Variants in DPP8 observed in about 807,000 individuals in gnomAD.
DPP8 encodes DPP VIII.
A neutral mutation model predicts 107.5 loss-of-function variants in DPP8; 31 were observed. The observed-to-expected ratio is 0.29, with a 90% confidence interval of 0.22 to 0.39. DPP8 has a LOEUF of 0.39. DPP8 is among the 10% of genes least tolerant of loss of function. The probability of loss-of-function intolerance (pLI) is 1.00; values close to 1 mark genes in which losing one functional copy is unlikely to be tolerated. For synonymous variants in DPP8, 381 were observed against 356.6 expected, an observed-to-expected ratio of 1.07 and a Z score of -0.77; for missense variants, 842 against 1,076.1, an observed-to-expected ratio of 0.78 and a Z score of 3.04.
intron 11 of DPP8, among the ~76,000 whole-genome samples, 181 bp from the exon 12 acceptor site, chr15:65,474,469 T>C (rs911571316): frequency 6.6e-6 from 1 of 152,116 alleles, no homozygotes; most frequent in Non-Finnish European, 1.5e-5. Flanking sequence ...TGCCACTGCA[T>C]TGTTTGTTTA....
At chr15:65,476,619 G>A (rs2066412651) in intron 11 of DPP8, among the ~76,000 whole-genome samples, 2 of 152,146 alleles carry the variant, frequency 1.3e-5, no homozygotes, top group African/African-American at 4.8e-5. Context: ...TAGCTCCTAT[G>A]GAAAACAGTA....
In DPP8 at chr15:65,446,714, A is replaced by C. The variant is rs2063511935; in HGVS notation, c.*170T>G. 5.0e-6 allele frequency: 2 copies of C among 400,800 alleles called. No homozygotes were observed. Among genetic ancestry groups the C allele is most frequent in the East Asian group, 9.8e-5 (2 of 20,476 alleles). 24.8% of individuals were successfully genotyped at this position (400,800 alleles called of 1,614,324 possible). On this transcript the variant is annotated 3_prime_UTR_variant, in exon 20 of 20. Transcript: ENST00000300141. ...TGAGCATGTGGGGTTAAGGTATTAGATTACTACCACAAACCGTAGACCCCT... is the reference window on the plus strand; with the variant it reads ...TGAGCATGTGGGGTTAAGGTATTAGCTTACTACCACAAACCGTAGACCCCT...
chr15:65,502,933 A>G (rs4338743), intron 3 of DPP8: 31,593 of 152,082 alleles, frequency 0.21, 4,280 homozygotes, highest in East Asian at 0.72. Context: ...CAAAGAAAGT[A>G]AAGATCTAAA....
At chr15:65,493,545 C>G (rs940894461) in intron 5 of DPP8, among the ~76,000 whole-genome samples, 3 of 152,094 alleles carry the variant, frequency 2.0e-5, no homozygotes, top group African/African-American at 7.2e-5. Flanking sequence ...CCTCAGGTCA[C>G]TTCAGGTCAG....
chr15:65,454,412 G>C lies in DPP8; in HGVS notation c.2122C>G (p.Gln708Glu). Residue 708 changes from glutamine (Q) to glutamate (E), a missense_variant, in exon 17 of 20, where the codon CAA becomes GAA. Transcript: ENST00000300141. ...FEGAFKYKMG[Q>E]IEIDDQVEGL... ...TCCACCTGATCGTCAATTTCTATTT[G>C]ACCCTGTCAAAAAAGGGAGAACATT... 6.3e-7 allele frequency: 1 copy of C among 1,587,298 alleles called. No homozygotes were observed. The highest frequency in any genetic ancestry group is 8.5e-7 in the Non-Finnish European group (1 of 1,170,928).
chr15:65,471,401 T>C lies in DPP8; in HGVS notation c.1536+2808A>G, dbSNP rs138277604. ...TCATTCTGACACCCAGGCTATAGCA[T>C]AGCATTGTGATCACAGCTCAATGCA... On this transcript the variant is annotated intron_variant, in intron 12 of 19. Coordinates refer to ENST00000300141, the MANE Select transcript of DPP8 (RefSeq NM_130434.5). Among the ~76,000 whole-genome samples, 525 of 152,080 alleles carry C rather than the reference T, an allele frequency of 3.5e-3. 3 individuals are homozygous for C. The highest frequency in any genetic ancestry group is 0.012 in the African/African-American group (506 of 41,504).
intron 12 of DPP8, among the ~76,000 whole-genome samples, chr15:65,468,730 C>T (rs1303851993): frequency 6.6e-6 from 1 of 152,070 alleles, no homozygotes; most frequent in African/African-American, 2.4e-5. Context: ...TTTACAAGTA[C>T]GTGTTAATCT....
At chr15:65,501,903 C>A (rs1219403559) in intron 3 of DPP8, among the ~76,000 whole-genome samples, 1 of 152,156 alleles carries the variant, frequency 6.6e-6, no homozygotes, top group African/African-American at 2.4e-5. Context: ...TTCTTTCTTT[C>A]TTTGAGACAA....
chr15:65,459,786 C>T (rs184470937), intron 15 of DPP8, among the ~76,000 whole-genome samples: 60 of 152,060 alleles, frequency 3.9e-4, no homozygotes, highest in African/African-American at 1.4e-3. Context: ...GAAACCCCAT[C>T]TCTACTAAAA....
rs995850555 is a variant in DPP8, at chr15:65,497,960, C to A, written c.619G>T (p.Ala207Ser). The change falls in exon 5 of 20, where the codon GCT (alanine) becomes TCT (serine). Residue 207 changes from alanine to serine, a missense_variant. By Grantham distance (99) the Ala-to-Ser change is moderately conservative. Coordinates refer to ENST00000300141, the MANE Select transcript of DPP8 (RefSeq NM_130434.5). Reference sequence around the variant, plus strand: ...ATAAAAGCAATCCAGTCTGGATCAGCAGGGCATAATTTTGGATCCATCCGT... The same window carrying A: ...ATAAAAGCAATCCAGTCTGGATCAGAAGGGCATAATTTTGGATCCATCCGT... ...NIRMDPKLCP[A>S]DPDWIAFIHS... The A allele has an allele frequency of 6.2e-7, 1 of 1,611,960 alleles. No individual in the cohort carries two copies. The highest frequency in any genetic ancestry group is 1.1e-5 in the South Asian group (1 of 90,632).
intron 8 of DPP8, among the ~76,000 whole-genome samples, chr15:65,482,817 C>A (rs1050865045): frequency 2.0e-5 from 3 of 152,022 alleles, no homozygotes; most frequent in Non-Finnish European, 4.4e-5. Context: ...ACAATAGGGG[C>A]CGGGTGTGGT....
Position 65,446,920 on chromosome 15 carries a change from GTT to G in DPP8, c.2611_2612del (p.Asn871ProfsTer40), listed in dbSNP as rs1201737883. 1 of 1,612,390 alleles carries G rather than the reference GTT, an allele frequency of 6.2e-7. No individual in the cohort carries two copies. Among genetic ancestry groups the G allele is most frequent in the Admixed American group, 1.7e-5 (1 of 59,854 alleles). ...TTAGAGCAGCAATACGTGATCCAAG[GTT>G]TTCTTGAAGGTAGTGCAAAAGATGC... Reference protein sequence around the residue: ...ELHLLHYLQENLGSRIAALKV... With the variant: ...ELHLLHYLQEXLGSRIAALKV... On this transcript the variant is annotated frameshift_variant, in exon 20 of 20. Coordinates refer to ENST00000300141, the MANE Select transcript of DPP8 (RefSeq NM_130434.5). LOFTEE classifies it high-confidence loss of function.
At chr15:65,501,138 A>G (rs1304887030) in intron 3 of DPP8, among the ~76,000 whole-genome samples, 2 of 151,862 alleles carry the variant, frequency 1.3e-5, no homozygotes, top group South Asian at 2.1e-4. Flanking sequence ...CGGCCTCCCA[A>G]AGTGCTGGGA....
intron 7 of DPP8, among the ~76,000 whole-genome samples, chr15:65,487,440 C>T (rs1466063782): frequency 2.6e-5 from 4 of 152,202 alleles, no homozygotes; most frequent in South Asian, 2.1e-4. Context: ...TGAGCTACCA[C>T]GCCCGGCGCA....
chr15:65,461,586 CTT>C (rs754152786), intron 15 of DPP8, among the ~76,000 whole-genome samples: 6 of 141,728 alleles, frequency 4.2e-5, no homozygotes, highest in East Asian at 4.2e-4. Context: ...TGATTTTTCT[CTT>C]GAGTTGCTTT....
intron 12 of DPP8, among the ~76,000 whole-genome samples, chr15:65,468,759 C>T (rs2140517398): frequency 6.6e-6 from 1 of 152,250 alleles, no homozygotes; most frequent in South Asian, 2.1e-4. Context: ...GATCAGGACT[C>T]ATTCCGTTTT....
chr15:65,497,951 C>A lies in DPP8; in HGVS notation c.628G>T (p.Asp210Tyr). ...TTGCTATGTATAAAAGCAATCCAGT[C>A]TGGATCAGCAGGGCATAATTTTGGA... The part of the protein sequence containing the change: ...MDPKLCPADP[D>Y]WIAFIHSNDI... Residue 210 changes from aspartate to tyrosine, a missense_variant, in exon 5 of 20, where the codon GAC becomes TAC. Physicochemically the swap from Asp to Tyr is radical, Grantham distance 160 (BLOSUM62 -3). This residue lies in a region of DPP8 where 663 missense variants were observed against 758.0 expected (regional missense o/e 0.87). Transcript: ENST00000300141. 1 of 1,611,948 alleles carries A rather than the reference C, an allele frequency of 6.2e-7. No homozygotes were observed. The highest frequency in any genetic ancestry group is 8.5e-7 in the Non-Finnish European group (1 of 1,178,618).
In DPP8 at chr15:65,446,688, T is replaced by C. The variant is rs1390786397; in HGVS notation, c.*196A>G. 1 of 300,278 alleles carries C rather than the reference T, an allele frequency of 3.3e-6. No homozygotes were observed. Among genetic ancestry groups the C allele is most frequent in the East Asian group, 5.5e-5 (1 of 18,158 alleles). 18.6% of individuals were successfully genotyped at this position (300,278 alleles called of 1,614,324 possible). On this transcript the variant is annotated 3_prime_UTR_variant, in exon 20 of 20. Transcript: ENST00000300141. ...TCTCAGGAATATGTATCATTTGATT[T>C]TGAGCATGTGGGGTTAAGGTATTAG... is the stretch of plus-strand genomic sequence containing the variant.
At chr15:65,474,421 C>CA (rs1397911179) in intron 11 of DPP8, 133 bp from the exon 12 acceptor site, 1 of 644,766 alleles carries the variant, frequency 1.6e-6, no homozygotes, top group East Asian at 2.7e-5. Flanking sequence ...TGGAACTAGA[C>CA]AGAGATGATG....
Sources: allele counts gnomAD v4.1 joint callset (sites outside exome capture counted in the v4.1 genomes callset), GRCh38; gene constraint gnomAD v4.1.1; regional missense constraint gnomAD v4.1.1; transcripts MANE v1.5; gene names NCBI Gene and HGNC (gene_info 2026-07-23, HGNC 2026-07-21).